The following SGCZ variants were observed in gnomAD, a reference collection of about 807,000 sequenced individuals.
SGCZ encodes the protein zeta-sarcoglycan.
Under a neutral mutation model 41.3 loss-of-function variants are expected in SGCZ, and 40 were observed. The ratio of observed to expected loss-of-function variants is 0.97; its 90% CI spans 0.75 to 1.26. SGCZ has a LOEUF of 1.26. Among genes scored for constraint, SGCZ ranks in the 50% most tolerant of loss-of-function variants. SGCZ has a pLI of 0.00. For synonymous variants in SGCZ, 206 were observed against 137.5 expected (o/e 1.50, Z -3.49); for missense variants, 552 against 369.8 (o/e 1.49, Z -4.04).
At chr8:14,727,603 C>T (rs1043935585) in intron 1 of SGCZ, among the ~76,000 whole-genome samples, 12 of 151,762 alleles carry the variant, frequency 7.9e-5, no homozygotes, top group African/African-American at 2.4e-4. Flanking sequence ...CTCCGCCTCC[C>T]GGATTCACGC....
intron 1 of SGCZ, among the ~76,000 whole-genome samples, chr8:15,112,656 C>T (rs895153643): frequency 3.3e-5 from 5 of 152,296 alleles, no homozygotes; most frequent in East Asian, 1.9e-4. Flanking sequence ...AGCCACCATG[C>T]CGTGAGGAAG....
intron 1 of SGCZ, among the ~76,000 whole-genome samples, chr8:14,773,630 TCTC>T (rs1800313694): frequency 1.3e-5 from 2 of 152,192 alleles, no homozygotes; most frequent in Admixed American, 1.3e-4. Flanking sequence ...TCAAATTACT[TCTC>T]CTCTTCCTCT....
chr8:15,159,446 G>C (rs1799433443), intron 1 of SGCZ, among the ~76,000 whole-genome samples: 1 of 152,130 alleles, frequency 6.6e-6, no homozygotes, highest in Non-Finnish European at 1.5e-5. Context: ...CCTGAGGCTT[G>C]GGCTTGTGAC....
intron 2 of SGCZ, among the ~76,000 whole-genome samples, chr8:14,335,764 T>G (rs1802484821): frequency 6.6e-6 from 1 of 152,136 alleles, no homozygotes; most frequent in Non-Finnish European, 1.5e-5. Context: ...GCCATACACA[T>G]TTCCTTCAAC....
chr8:15,068,928 T>C (rs1805251939), intron 1 of SGCZ, among the ~76,000 whole-genome samples: 1 of 152,212 alleles, frequency 6.6e-6, no homozygotes, highest in South Asian at 2.1e-4. Flanking sequence ...CTACTAATGT[T>C]AGCACTTCCA....
intron 1 of SGCZ, among the ~76,000 whole-genome samples, chr8:14,885,170 T>C (rs927722379): frequency 6.6e-6 from 1 of 152,196 alleles, no homozygotes; most frequent in African/African-American, 2.4e-5. Context: ...CATACGAATC[T>C]CTATTTAATA....
At chr8:15,190,538 T>C (rs1176060827) in intron 1 of SGCZ, among the ~76,000 whole-genome samples, 2 of 151,940 alleles carry the variant, frequency 1.3e-5, no homozygotes, top group African/African-American at 2.4e-5. Flanking sequence ...CTTGAAAGAG[T>C]GGCCCAGAGA....
chr8:15,028,931 T>A (rs1585489333), intron 1 of SGCZ, among the ~76,000 whole-genome samples: 1 of 152,186 alleles, frequency 6.6e-6, no homozygotes, highest in Non-Finnish European at 1.5e-5. Flanking sequence ...ATATTCATAA[T>A]CAAGTTTTGT....
chr8:14,293,022 C>T (rs1234370278), intron 3 of SGCZ, among the ~76,000 whole-genome samples: 1 of 151,938 alleles, frequency 6.6e-6, no homozygotes, highest in African/African-American at 2.4e-5. Context: ...GTTTCATTCA[C>T]ATCTCTGGGT....
intron 1 of SGCZ, among the ~76,000 whole-genome samples, chr8:14,597,774 G>A (rs1805461085): frequency 6.6e-6 from 1 of 152,228 alleles, no homozygotes; most frequent in East Asian, 1.9e-4. Flanking sequence ...ACTGCACCTG[G>A]CCTCACTTCT....
chr8:15,029,178 G>C (rs1176947304), intron 1 of SGCZ, among the ~76,000 whole-genome samples: 3 of 152,012 alleles, frequency 2.0e-5, no homozygotes, highest in Non-Finnish European at 4.4e-5. Flanking sequence ...AAGCAATACA[G>C]CATAAGAACA....
At chr8:14,567,156 C>A (rs960587575) in intron 1 of SGCZ, among the ~76,000 whole-genome samples, 3 of 152,196 alleles carry the variant, frequency 2.0e-5, no homozygotes, top group Non-Finnish European at 4.4e-5. Context: ...TCGGAGCCCC[C>A]CCAGGGAGTC....
chr8:14,673,465 ACTCT>A (rs142795356), intron 1 of SGCZ, among the ~76,000 whole-genome samples: 3 of 133,842 alleles, frequency 2.2e-5, no homozygotes, highest in African/African-American at 8.4e-5. Flanking sequence ...TCTCTCTCTC[ACTCT>A]CTCTCTCTCT....
chr8:15,208,448 T>TTATAAGTCAGTTGTCAGAAACTC (rs1801138250), intron 1 of SGCZ, among the ~76,000 whole-genome samples: 1 of 152,190 alleles, frequency 6.6e-6, no homozygotes, highest in African/African-American at 2.4e-5. Context: ...AGAAATGAGT[T>TTATAAGTCAGTTGTCAGAAACTC]TATAAGTCAG....
rs1253388332 is a variant in SGCZ at position 14,551,552 on chromosome 8, A to T, written c.234+3180T>A. ...ATATATAATATATATAATATATATAATATATATTATATATATAATATATAT... is the reference window on the plus strand; with the variant it reads ...ATATATAATATATATAATATATATATTATATATTATATATATAATATATAT... On this transcript the variant is annotated intron_variant, in intron 2 of 7. Transcript: ENST00000382080. Among the ~76,000 whole-genome samples, 104 of 18,730 alleles carry T rather than the reference A, an allele frequency of 5.6e-3. 8 individuals are homozygous for T. The highest frequency in any genetic ancestry group is 0.031 in the African/African-American group (90 of 2,912). The allele number at this position is 18,730 out of a possible 152,430, so 12.3% of individuals were successfully genotyped here. A position where few individuals can be genotyped will look rare whatever the true frequency, so the allele number is the denominator to read the frequency against.
rs549802799 is a variant in SGCZ at position 15,139,091 on chromosome 8, A to C, written c.39+98494T>G. Among the ~76,000 whole-genome samples, 5 of 152,332 alleles carry C rather than the reference A, an allele frequency of 3.3e-5. No individual in the cohort carries two copies. In the South Asian group the frequency reaches 6.2e-4, roughly 19 times the overall value. ...TTATTTTCCTCCCTGACAATGGGGC[A>C]AATGAATATAAACAGGCCAGAACAT... is the stretch of plus-strand genomic sequence containing the variant. On this transcript the variant is annotated intron_variant, in intron 1 of 7. Coordinates refer to ENST00000382080, the MANE Select transcript of SGCZ (RefSeq NM_139167.4).
intron 2 of SGCZ, among the ~76,000 whole-genome samples, chr8:14,528,128 C>T (rs1401915878): frequency 1.3e-5 from 2 of 151,790 alleles, no homozygotes; most frequent in African/African-American, 4.8e-5. Context: ...GTTTAGAGTC[C>T]TCTATGTTGT....
chr8:15,122,876 T>C (rs889174916), intron 1 of SGCZ, among the ~76,000 whole-genome samples: 4 of 152,170 alleles, frequency 2.6e-5, no homozygotes, highest in African/African-American at 9.7e-5. Context: ...AATGCACAAA[T>C]GTGACATACT....
At chr8:15,128,925 C>A (rs1204948740) in intron 1 of SGCZ, among the ~76,000 whole-genome samples, 3 of 152,112 alleles carry the variant, frequency 2.0e-5, no homozygotes, top group Non-Finnish European at 4.4e-5. Flanking sequence ...ATCATACCAC[C>A]ATTCCTCACC....
Sources: gnomAD v4.1 joint callset for allele counts (sites outside exome capture counted in the v4.1 genomes callset) on GRCh38, gnomAD v4.1.1 for gene constraint, MANE v1.5 for transcripts, NCBI Gene and HGNC (gene_info 2026-07-23, HGNC 2026-07-21) for gene names.